Variants in MINDY3 observed in about 807,000 individuals in gnomAD.
MINDY3 encodes MINDY lysine 48 deubiquitinase 3.
In MINDY3, 38 loss-of-function variants were observed where a neutral mutation model predicts 69.2. The ratio of observed to expected loss-of-function variants is 0.55; its 90% CI spans 0.42 to 0.72. The LOEUF is 0.72. MINDY3 is among the 30% of genes least tolerant of loss of function. MINDY3 has a pLI of 0.00. For missense variants in MINDY3, 522 were observed against 519.0 expected (o/e 1.01, Z -0.06); for synonymous variants, 192 against 180.1 (o/e 1.07, Z -0.53).
intron 13 of MINDY3, among the ~76,000 whole-genome samples, chr10:15,784,536 G>A (rs1836802947): frequency 6.6e-6 from 1 of 152,148 alleles, no homozygotes; most frequent in African/African-American, 2.4e-5. Flanking sequence ...CCTGAGGTTA[G>A]GAGTTTGAGA....
At chr10:15,811,378 A>G (rs139367304) in intron 10 of MINDY3, among the ~76,000 whole-genome samples, 12 of 152,198 alleles carry the variant, frequency 7.9e-5, no homozygotes, top group African/African-American at 1.4e-4. Flanking sequence ...TTTTTTGAAA[A>G]ATTTACTTAC....
In MINDY3 at chr10:15,790,083, T is replaced by C. The variant is rs188297829; in HGVS notation, c.956-764A>G. On this transcript the variant is annotated intron_variant, in intron 11 of 14. Transcript: ENST00000277632. ...GTCTCAGCTTTAAATCAGCTTCCAA[T>C]GTCCTTCAGGGATTAGATGATTAAA... 1.7e-3 allele frequency among the ~76,000 whole-genome samples: 256 copies of C among 152,128 alleles called. 2 individuals are homozygous for C. The highest frequency in any genetic ancestry group is 5.8e-3 in the African/African-American group (240 of 41,524).
chr10:15,810,651 T>C (rs1430875153), intron 10 of MINDY3, among the ~76,000 whole-genome samples: 1 of 152,136 alleles, frequency 6.6e-6, no homozygotes, highest in Non-Finnish European at 1.5e-5. Flanking sequence ...ATAATGTATT[T>C]GGTCAACAAA....
At chr10:15,834,709 C>A in intron 6 of MINDY3, 93 bp from the exon 7 acceptor site, 1 of 746,506 alleles carries the variant, frequency 1.3e-6, no homozygotes, top group Middle Eastern at 3.9e-4. Flanking sequence ...TAAACTAATA[C>A]AATTATTTAA....
Position 15,852,650 on chromosome 10 carries a change from T to C in MINDY3, c.95-4707A>G, listed in dbSNP as rs1326145063. On this transcript the variant is annotated intron_variant, in intron 1 of 14. Transcript: ENST00000277632. Reference sequence around the variant, plus strand: ...TGAATAAAGATATAAATTAAAATACTAGATTAATCATGTCATTGGGAATAC... The same window carrying C: ...TGAATAAAGATATAAATTAAAATACCAGATTAATCATGTCATTGGGAATAC... Among the ~76,000 whole-genome samples the C allele has an allele frequency of 3.9e-5, 6 of 152,256 alleles. No homozygotes were observed. In the South Asian group the frequency reaches 1.0e-3, roughly 26 times the overall value.
At chr10:15,800,184 AG>A (rs1421938244) in intron 10 of MINDY3, among the ~76,000 whole-genome samples, 2 of 152,174 alleles carry the variant, frequency 1.3e-5, no homozygotes, top group Non-Finnish European at 1.5e-5. Flanking sequence ...GAAAAAATTA[AG>A]TATGCCATGC....
rs548445702 is a variant in MINDY3 at position 15,838,127 on chromosome 10, G to A, written c.461+101C>T. The A allele has an allele frequency of 5.8e-5, 78 of 1,337,970 alleles. 1 individual carries two copies. The South Asian group carries it at 1.2e-3, about 20-fold the overall frequency. The allele number at this position is 1,337,970 out of a possible 1,614,324, so 82.9% of individuals were successfully genotyped here. On this transcript the variant is annotated intron_variant, in intron 5 of 14. Coordinates refer to ENST00000277632, the MANE Select transcript of MINDY3 (RefSeq NM_024948.4). ...GATTTAAAATTTATGTTTAAGTAGC[G>A]CATTTCTATGTAAAACTAAGAACCT...
chr10:15,807,257 G>A (rs1283845696), intron 10 of MINDY3, among the ~76,000 whole-genome samples: 1 of 152,132 alleles, frequency 6.6e-6, no homozygotes, highest in African/African-American at 2.4e-5. Flanking sequence ...AATACTGAAT[G>A]TGTGTGACAG....
chr10:15,856,617 A>G (rs1834710256), intron 1 of MINDY3, among the ~76,000 whole-genome samples: 2 of 152,172 alleles, frequency 1.3e-5, no homozygotes, highest in Admixed American at 6.5e-5. Flanking sequence ...GAATGCAGCC[A>G]CACCCATACT....
chr10:15,789,224 A>G (rs908998001), intron 12 of MINDY3, 23 bp downstream of exon 12: 4 of 1,588,254 alleles, frequency 2.5e-6, no homozygotes, highest in East Asian at 2.2e-5. Flanking sequence ...AGTTGGCTAA[A>G]TAACACTTCC....
At chr10:15,833,601 G>C in intron 8 of MINDY3, 29 bp downstream of exon 8, 1 of 1,354,238 alleles carries the variant, frequency 7.4e-7, no homozygotes, top group Non-Finnish European at 1.1e-6. Context: ...ATTCATCAAA[G>C]AGAGCAACAT....
chr10:15,823,238 G>T (rs2132011030), intron 8 of MINDY3, among the ~76,000 whole-genome samples: 1 of 152,284 alleles, frequency 6.6e-6, no homozygotes, highest in East Asian at 1.9e-4. Flanking sequence ...TACAGGCACA[G>T]ATCAGGTAGA....
chr10:15,854,695 G>A (rs1834566943), intron 1 of MINDY3, among the ~76,000 whole-genome samples: 1 of 152,084 alleles, frequency 6.6e-6, no homozygotes, highest in Non-Finnish European at 1.5e-5. Context: ...AGAACTAAGA[G>A]AAGCACTGAG....
chr10:15,830,186 T>C (rs757658272), intron 8 of MINDY3, among the ~76,000 whole-genome samples: 10 of 152,198 alleles, frequency 6.6e-5, no homozygotes, highest in Non-Finnish European at 1.2e-4. Flanking sequence ...TAAAGGGCAG[T>C]TACAACTACT....
chr10:15,842,904 C>CAAAAA (rs370464190), intron 3 of MINDY3, among the ~76,000 whole-genome samples: 4 of 68,190 alleles, frequency 5.9e-5, no homozygotes, highest in Non-Finnish European at 8.8e-5. Context: ...AATAAGACTA[C>CAAAAA]AAAAAAAAAA....
At chr10:15,798,292 G>A (rs1588534321) in intron 10 of MINDY3, among the ~76,000 whole-genome samples, 1 of 152,058 alleles carries the variant, frequency 6.6e-6, no homozygotes, top group African/African-American at 2.4e-5. Flanking sequence ...TTGCTACAAA[G>A]TAAAGTTTGG....
intron 11 of MINDY3, among the ~76,000 whole-genome samples, chr10:15,795,710 T>C (rs1254732246): frequency 6.6e-6 from 1 of 152,098 alleles, no homozygotes; most frequent in Non-Finnish European, 1.5e-5. Context: ...GATCTTCCTC[T>C]GCTTCTTTAT....
chr10:15,799,918 A>G (rs112979947), intron 10 of MINDY3, among the ~76,000 whole-genome samples: 7 of 152,168 alleles, frequency 4.6e-5, no homozygotes, highest in Non-Finnish European at 8.8e-5. Flanking sequence ...TATTAGTGTT[A>G]GACTGAGGTT....
At chr10:15,851,382 C>T (rs549327699) in intron 1 of MINDY3, among the ~76,000 whole-genome samples, 29 of 152,090 alleles carry the variant, frequency 1.9e-4, no homozygotes, top group African/African-American at 6.8e-4. Flanking sequence ...TGGCTCCTGC[C>T]TGCATCTCCC....
Sources: allele counts gnomAD v4.1 joint callset (sites outside exome capture counted in the v4.1 genomes callset), GRCh38; gene constraint gnomAD v4.1.1; transcripts MANE v1.5; gene names NCBI Gene and HGNC (gene_info 2026-07-23, HGNC 2026-07-21).